Variants in MPDZ observed in about 807,000 individuals in gnomAD.
The protein encoded by MPDZ is multiple PDZ domain crumbs cell polarity complex component.
In MPDZ, 234 loss-of-function variants were observed where a neutral mutation model predicts 239.1. The observed-to-expected ratio is 0.98, with a 90% CI of 0.88 to 1.09. The LOEUF is 1.09. Ranked by LOEUF, MPDZ falls within the 50% of genes least tolerant of loss-of-function variation. The pLI, the probability that MPDZ is intolerant of heterozygous loss-of-function variation, is 0.00. For synonymous variants in MPDZ, 1,048 were observed against 881.3 expected, an observed-to-expected ratio of 1.19 and a Z score of -3.35; for missense variants, 3,175 against 2,510.0, an observed-to-expected ratio of 1.26 and a Z score of -5.66.
chr9:13,155,054 T>C (rs898577285), intron 24 of MPDZ, among the ~76,000 whole-genome samples: 5 of 151,918 alleles, frequency 3.3e-5, no homozygotes, highest in African/African-American at 4.8e-5. Context: ...CCATCTTTAC[T>C]AAAAATACAA....
At chr9:13,263,665 C>A (rs72706389) in intron 1 of MPDZ, among the ~76,000 whole-genome samples, 3 of 152,242 alleles carry the variant, frequency 2.0e-5, no homozygotes, top group Non-Finnish European at 2.9e-5. Flanking sequence ...GAGATACAGG[C>A]CTTAGAAGCA....
At chr9:13,248,323 C>T (rs1043751170) in intron 2 of MPDZ, among the ~76,000 whole-genome samples, 1 of 151,986 alleles carries the variant, frequency 6.6e-6, no homozygotes. Context: ...AAATCTTTCT[C>T]CAAAATTAAA....
Position 13,222,266 on chromosome 9 carries a change from A to C in MPDZ, c.714T>G (p.Ser238=). 1 of 1,612,738 alleles carries C rather than the reference A, an allele frequency of 6.2e-7. No individual in the cohort carries two copies. Among genetic ancestry groups the C allele is most frequent in the South Asian group, 1.1e-5 (1 of 91,030 alleles). ...LVSPIVSRSP[S]AASTISAHSN... is the part of the protein sequence containing the mutation. ...AGTGAGCTGAAATTGTGCTGGCTGC[A>C]GATGGAGAACGGGAAACTATGGGGC... The change falls in exon 6 of 47, where the codon TCT becomes TCG. Residue 238 remains serine, a synonymous_variant. Coordinates refer to ENST00000319217, the MANE Select transcript of MPDZ (RefSeq NM_001378778.1).
chr9:13,232,265 C>G (rs549995747), intron 3 of MPDZ, among the ~76,000 whole-genome samples: 1 of 152,200 alleles, frequency 6.6e-6, no homozygotes, highest in East Asian at 1.9e-4. Context: ...AAAAAATAAA[C>G]TGTATTTCCC....
chr9:13,159,294 A>C (rs1950190488), intron 23 of MPDZ, among the ~76,000 whole-genome samples: 1 of 152,148 alleles, frequency 6.6e-6, no homozygotes, highest in Admixed American at 6.6e-5. Flanking sequence ...TCTTTGCTAT[A>C]GGTCCTACCC....
chr9:13,194,155 A>T (rs558793992), intron 13 of MPDZ, among the ~76,000 whole-genome samples: 1 of 152,314 alleles, frequency 6.6e-6, no homozygotes, highest in South Asian at 2.1e-4. Context: ...CTGTATCGCT[A>T]CATAGCAAAC....
chr9:13,273,275 A>G (rs1340197714), intron 1 of MPDZ, among the ~76,000 whole-genome samples: 1 of 152,248 alleles, frequency 6.6e-6, no homozygotes. Context: ...GAAACTGGAC[A>G]TATCTTAAAT....
Position 13,143,471 on chromosome 9 carries a change from CG to C in MPDZ, c.3834del (p.Asp1279ThrfsTer66), listed in dbSNP as rs1563894753. The C allele has an allele frequency of 6.2e-7, 1 of 1,610,602 alleles. No individual in the cohort carries two copies. The highest frequency in any genetic ancestry group is 1.1e-5 in the South Asian group (1 of 90,894). ...NPFADSLQINADKAPSQSESE... is the reference protein window; with the variant it reads ...NPFADSLQINXDKAPSQSESE... ...GACAATGGGCATTATCCAACCTTGT[CG>C]GCGTTGATTTGTAGAGAGTCAGCAA... On this transcript the variant is annotated frameshift_variant, in exon 27 of 47. Transcript: ENST00000319217. LOFTEE classifies it high-confidence loss of function.
chr9:13,184,012 AAG>A (rs1249822460), intron 18 of MPDZ, among the ~76,000 whole-genome samples: 3 of 152,090 alleles, frequency 2.0e-5, no homozygotes, highest in African/African-American at 7.2e-5. Flanking sequence ...ATATATTTGT[AAG>A]CCACACTAAA....
intron 1 of MPDZ, among the ~76,000 whole-genome samples, chr9:13,255,804 A>G (rs1370580445): frequency 6.6e-6 from 1 of 152,200 alleles, no homozygotes; most frequent in Non-Finnish European, 1.5e-5. Flanking sequence ...GCAGATTTAG[A>G]ATAACCCTTA....
chr9:13,161,804 T>C (rs1950524586), intron 23 of MPDZ, among the ~76,000 whole-genome samples: 1 of 152,128 alleles, frequency 6.6e-6, no homozygotes, highest in Admixed American at 6.6e-5. Flanking sequence ...AAAACCCAGT[T>C]CCTGCCTTTC....
chr9:13,195,861 A>T (rs1264202999), intron 13 of MPDZ, among the ~76,000 whole-genome samples: 4 of 152,172 alleles, frequency 2.6e-5, no homozygotes, highest in African/African-American at 9.6e-5. Flanking sequence ...TATATTATTC[A>T]TACTATTACT....
intron 1 of MPDZ, among the ~76,000 whole-genome samples, chr9:13,269,831 C>T (rs1972562563): frequency 6.6e-6 from 1 of 152,080 alleles, no homozygotes; most frequent in Non-Finnish European, 1.5e-5. Flanking sequence ...ATCTTGCTGG[C>T]AAGATTCCAG....
Position 13,176,386 on chromosome 9 carries a change from A to C in MPDZ, c.2681T>G (p.Leu894Arg). Residue 894 changes from leucine to arginine, a missense_variant, in exon 20 of 47, where the codon CTT becomes CGT. Leu to Arg is a moderately radical substitution (Grantham distance 102). Coordinates refer to ENST00000319217, the MANE Select transcript of MPDZ (RefSeq NM_001378778.1). ...DVIENSCDPV[L>R]DLHMSLEELY... ...TTCCTCCAGAGACATATGCAGATCA[A>C]GTACTGGATCACAAGAATTTTCAAT... is the stretch of plus-strand genomic sequence containing the variant. The C allele has an allele frequency of 1.9e-6, 3 of 1,589,030 alleles. No homozygotes were observed. The highest frequency in any genetic ancestry group is 2.6e-6 in the Non-Finnish European group (3 of 1,167,532).
intron 32 of MPDZ, 108 bp downstream of exon 32, chr9:13,133,713 AGAT>A: frequency 1.5e-6 from 1 of 668,768 alleles, no homozygotes; most frequent in Non-Finnish European, 2.5e-6. Context: ...ACAAAACCTC[AGAT>A]GATGCTGATG....
At chr9:13,169,887 C>T (rs1303733371) in intron 21 of MPDZ, among the ~76,000 whole-genome samples, 1 of 152,152 alleles carries the variant, frequency 6.6e-6, no homozygotes, top group Non-Finnish European at 1.5e-5. Flanking sequence ...CACCTTCTTT[C>T]TGCAGCTCTT....
chr9:13,167,067 A>G (rs1302729714), intron 22 of MPDZ, among the ~76,000 whole-genome samples: 1 of 152,088 alleles, frequency 6.6e-6, no homozygotes, highest in Admixed American at 6.6e-5. Flanking sequence ...AATCAGATGA[A>G]CAGTTACTAG....
At chr9:13,129,907 T>A (rs1299386279) in intron 32 of MPDZ, among the ~76,000 whole-genome samples, 2 of 152,030 alleles carry the variant, frequency 1.3e-5, no homozygotes, top group African/African-American at 4.8e-5. Flanking sequence ...TAGAAAAGAG[T>A]AAACAAGAAT....
In MPDZ at chr9:13,110,735, C is replaced by T; in HGVS notation, c.5730G>A (p.Gly1910=). The T allele has an allele frequency of 6.2e-7, 1 of 1,612,320 alleles. No individual in the cohort carries two copies. Among genetic ancestry groups the T allele is most frequent in the Non-Finnish European group, 8.5e-7 (1 of 1,179,076 alleles). Reference sequence around the variant, plus strand: ...TGCCACAGATGGTGACAATCCTATCCCCAACCTGCAAGGGAGAGAAAGAAA... The same window carrying T: ...TGCCACAGATGGTGACAATCCTATCTCCAACCTGCAAGGGAGAGAAAGAAA... ...VAAQTQKLRV[G]DRIVTICGTS... is the part of the protein sequence containing the mutation. The change falls in exon 44 of 47, where the codon GGG becomes GGA. Residue 1910 remains glycine, a synonymous_variant. Coordinates refer to ENST00000319217, the MANE Select transcript of MPDZ (RefSeq NM_001378778.1).
Sources: gnomAD v4.1 joint callset for allele counts (sites outside exome capture counted in the v4.1 genomes callset) on GRCh38, gnomAD v4.1.1 for gene constraint, MANE v1.5 for transcripts, NCBI Gene and HGNC (gene_info 2026-07-23, HGNC 2026-07-21) for gene names.